MAP2K4: variants seen among roughly 807,000 people sequenced by gnomAD.
MAP2K4 encodes dual specificity mitogen-activated protein kinase kinase 4.
Under a neutral mutation model 48.5 loss-of-function variants are expected in MAP2K4, and 4 were observed. The ratio of observed to expected loss-of-function variants is 0.08; its 90% CI spans 0.04 to 0.19. MAP2K4 has a LOEUF of 0.19. Ranked by LOEUF, MAP2K4 falls within the 10% of genes least tolerant of loss-of-function variation. The pLI, the probability that MAP2K4 is intolerant of heterozygous loss-of-function variation, is 1.00. For missense variants in MAP2K4, 258 were observed against 493.3 expected (o/e 0.52, Z 4.52); for synonymous variants, 166 against 173.1 (o/e 0.96, Z 0.32).
chr17:12,114,425 T>C (rs1017796828), intron 7 of MAP2K4, among the ~76,000 whole-genome samples: 2 of 151,246 alleles, frequency 1.3e-5, no homozygotes, highest in Admixed American at 1.3e-4. Flanking sequence ...TGTAGACACC[T>C]AACCTGTGTG....
intron 1 of MAP2K4, among the ~76,000 whole-genome samples, chr17:12,043,770 A>G (rs1024566550): frequency 6.6e-6 from 1 of 152,058 alleles, no homozygotes; most frequent in African/African-American, 2.4e-5. Flanking sequence ...CGTGCACACT[A>G]TCCTTGATTC....
intron 1 of MAP2K4, 27 bp downstream of exon 1, chr17:12,021,028 C>T (rs1177186081): frequency 8.5e-7 from 1 of 1,182,528 alleles, no homozygotes; most frequent in Non-Finnish European, 1.1e-6. Flanking sequence ...CGCCGAGATC[C>T]CAGCCCCCTA....
rs1006108537 is a variant in MAP2K4 at position 12,110,246 on chromosome 17, C to T, written c.634-129C>T. On this transcript the variant is annotated intron_variant, in intron 5 of 10. Transcript: ENST00000353533. ...AGTATCTTTGGTTAACAAGAAATGA[C>T]AAAATATTGAAATATTAAGCTTAAA... The T allele has an allele frequency of 2.2e-5, 15 of 679,462 alleles. No individual in the cohort carries two copies. In the African/African-American group the frequency reaches 2.6e-4, roughly 12 times the overall value. 42.1% of individuals were successfully genotyped at this position (679,462 alleles called of 1,614,324 possible).
Position 12,060,754 on chromosome 17 carries a change from T to C in MAP2K4, c.218+5763T>C, listed in dbSNP as rs73977813. Among the ~76,000 whole-genome samples the C allele has an allele frequency of 7.2e-3, 1,098 of 151,672 alleles. 17 individuals are homozygous for C. The highest frequency in any genetic ancestry group is 0.024 in the African/African-American group (987 of 41,380). ...GTGTGTGTGTGTGTGTGTGCGCGCG[T>C]GTGTGTGTGTGGCTGGTTTGGTGCT... On this transcript the variant is annotated intron_variant, in intron 2 of 10. Transcript: ENST00000353533.
intron 5 of MAP2K4, among the ~76,000 whole-genome samples, chr17:12,110,103 A>G (rs573859921): frequency 2.0e-5 from 3 of 152,306 alleles, no homozygotes; most frequent in South Asian, 4.1e-4. Flanking sequence ...GAAAAAAGAT[A>G]AAATTTTAAA....
At position 12,038,635 on chromosome 17, in the gene MAP2K4, G is replaced by A. The variant is rs576794836; in HGVS notation, c.116-16254G>A. ...TCTTTGAGAGATTGAGCATATATAG[G>A]AGCTATGTGGTAGAAATAATAACTC... On this transcript the variant is annotated intron_variant, in intron 1 of 10. Coordinates refer to ENST00000353533, the MANE Select transcript of MAP2K4 (RefSeq NM_003010.4). Among the ~76,000 whole-genome samples, 30 of 152,266 alleles carry A rather than the reference G, an allele frequency of 2.0e-4. No homozygotes were observed. In the South Asian group the frequency reaches 5.8e-3, roughly 29 times the overall value.
chr17:12,062,279 T>A (rs1029600607), intron 2 of MAP2K4, among the ~76,000 whole-genome samples: 3 of 152,188 alleles, frequency 2.0e-5, no homozygotes, highest in Non-Finnish European at 4.4e-5. Flanking sequence ...AGATAAGAAT[T>A]CTTTCTTAGT....
At chr17:12,058,167 A>G (rs1970340176) in intron 2 of MAP2K4, among the ~76,000 whole-genome samples, 1 of 151,560 alleles carries the variant, frequency 6.6e-6, no homozygotes, top group Non-Finnish European at 1.5e-5. Context: ...CTTTGAAGAC[A>G]TGCCCCCTTT....
intron 4 of MAP2K4, among the ~76,000 whole-genome samples, chr17:12,100,427 C>G (rs1468420262): frequency 6.6e-6 from 1 of 152,006 alleles, no homozygotes; most frequent in Non-Finnish European, 1.5e-5. Context: ...CTGTAATGTT[C>G]CATTATGCAG....
At chr17:12,104,035 GGA>G (rs1972029049) in intron 4 of MAP2K4, among the ~76,000 whole-genome samples, 1 of 152,020 alleles carries the variant, frequency 6.6e-6, no homozygotes, top group Non-Finnish European at 1.5e-5. Flanking sequence ...ATATGTCCCT[GGA>G]AATACAGTTA....
chr17:12,021,468 C>G (rs1368278536), intron 1 of MAP2K4: 5 of 152,036 alleles, frequency 3.3e-5, no homozygotes, highest in Non-Finnish European at 5.9e-5. Context: ...CCCTCGGCCC[C>G]GCCGCCGCAG....
rs570546554 is a variant in MAP2K4 at position 12,096,067 on chromosome 17, TCCCCCCCCCCCCCCC to T, written c.513+380_513+394del. On this transcript the variant is annotated intron_variant, in intron 4 of 10. Coordinates refer to ENST00000353533, the MANE Select transcript of MAP2K4 (RefSeq NM_003010.4). ...TTTTCATTGGGCCTTGAGCAACGCC[TCCCCCCCCCCCCCCC>T]CCCCCCGCCGCCAACTTTATATTTT... Among the ~76,000 whole-genome samples, 7 of 23,760 alleles carry T rather than the reference TCCCCCCCCCCCCCCC, an allele frequency of 2.9e-4. 1 individual carries two copies. The highest frequency in any genetic ancestry group is 4.9e-4 in the Non-Finnish European group (6 of 12,298). 15.6% of individuals were successfully genotyped at this position (23,760 alleles called of 152,430 possible).
At chr17:12,042,869 A>T (rs1004827345) in intron 1 of MAP2K4, among the ~76,000 whole-genome samples, 1 of 152,038 alleles carries the variant, frequency 6.6e-6, no homozygotes, top group Non-Finnish European at 1.5e-5. Flanking sequence ...AACACAGTGA[A>T]ACCCCGCCTC....
At chr17:12,123,260 G>A (rs554994702) in intron 7 of MAP2K4, among the ~76,000 whole-genome samples, 1 of 152,262 alleles carries the variant, frequency 6.6e-6, no homozygotes, top group East Asian at 1.9e-4. Context: ...TTCTGGGCAG[G>A]TTTTTAATAA....
chr17:12,092,620 G>A (rs1199191462), intron 3 of MAP2K4, among the ~76,000 whole-genome samples: 2 of 152,184 alleles, frequency 1.3e-5, no homozygotes, highest in Non-Finnish European at 2.9e-5. Flanking sequence ...TGCTATTATA[G>A]GCATGTGTTT....
At chr17:12,041,253 A>T (rs115211411) in intron 1 of MAP2K4, among the ~76,000 whole-genome samples, 2 of 152,224 alleles carry the variant, frequency 1.3e-5, no homozygotes. Flanking sequence ...GGGTCAAAAG[A>T]AGCCATTTGG....
chr17:12,089,438 C>G (rs1971490878), intron 3 of MAP2K4, among the ~76,000 whole-genome samples: 1 of 152,114 alleles, frequency 6.6e-6, no homozygotes, highest in Non-Finnish European at 1.5e-5. Flanking sequence ...ATTATTTTAT[C>G]TTGTGTCTAT....
intron 3 of MAP2K4, among the ~76,000 whole-genome samples, chr17:12,089,991 T>C (rs903664425): frequency 6.6e-6 from 1 of 152,250 alleles, no homozygotes; most frequent in Non-Finnish European, 1.5e-5. Context: ...CTTACATGTT[T>C]GCTGATGACT....
intron 2 of MAP2K4, among the ~76,000 whole-genome samples, chr17:12,075,871 C>T (rs1430551383): frequency 6.6e-6 from 1 of 152,150 alleles, no homozygotes; most frequent in East Asian, 1.9e-4. Context: ...TTTTTGCAAC[C>T]TATTCCCATA....
Sources: allele counts gnomAD v4.1 joint callset (sites outside exome capture counted in the v4.1 genomes callset), GRCh38; gene constraint gnomAD v4.1.1; transcripts MANE v1.5; gene names NCBI Gene and HGNC (gene_info 2026-07-23, HGNC 2026-07-21).